Variants in DLEC1 observed in about 807,000 individuals in gnomAD.
The protein encoded by DLEC1 is deleted in lung and esophageal cancer protein 1.
Under a neutral mutation model 198.1 loss-of-function variants are expected in DLEC1, and 146 were observed. The observed-to-expected ratio is 0.74, with a 90% CI of 0.64 to 0.85. The LOEUF is 0.85. Among genes scored for constraint, DLEC1 ranks in the 40% least tolerant of loss-of-function variants. DLEC1 has a pLI of 0.00. For synonymous variants in DLEC1, 897 were observed against 866.8 expected, an observed-to-expected ratio of 1.03 and a Z score of -0.61; for missense variants, 2,233 against 2,220.0, an observed-to-expected ratio of 1.01 and a Z score of -0.12.
chr3:38,084,461 AATAGTAGTGGTGGTG>A (rs1698285199), intron 7 of DLEC1, among the ~76,000 whole-genome samples: 1 of 406 alleles, frequency 2.5e-3, no homozygotes, highest in African/African-American at 0.014. Flanking sequence ...TGGTAGTAGT[AATAGTAGTGGTGGTG>A]GTGGTAGTAG....
intron 1 of DLEC1, among the ~76,000 whole-genome samples, chr3:38,040,049 G>A (rs1700581939): frequency 6.6e-6 from 1 of 152,162 alleles, no homozygotes; most frequent in South Asian, 2.1e-4. Flanking sequence ...TAGGAAGCGT[G>A]TCTAGCCTCT....
chr3:38,039,409 C>G lies in DLEC1; in HGVS notation c.184C>G (p.Arg62Gly). 6.2e-7 allele frequency: 1 copy of G among 1,613,924 alleles called. No homozygotes were observed. The highest frequency in any genetic ancestry group is 8.5e-7 in the Non-Finnish European group (1 of 1,179,866). The change falls in exon 1 of 37, where the codon CGG (arginine) becomes GGG (glycine). Residue 62 changes from arginine to glycine, a missense_variant. By Grantham distance (125) the Arg-to-Gly change is moderately radical. Coordinates refer to ENST00000308059, the MANE Select transcript of DLEC1 (RefSeq NM_007335.4). The stretch of plus-strand genomic sequence containing the variant: ...GGCCTTCCACTACAGCTTCGCAGCC[C>G]GGCCCCGCCGCCTCACGCAGCTTGC... ...SEAFHYSFAARPRRLTQLALA... is the reference protein window; with the variant it reads ...SEAFHYSFAAGPRRLTQLALA...
intron 2 of DLEC1, among the ~76,000 whole-genome samples, chr3:38,058,092 G>C (rs1020621206): frequency 6.6e-6 from 1 of 152,098 alleles, no homozygotes; most frequent in Non-Finnish European, 1.5e-5. Flanking sequence ...ATGAGCCACC[G>C]TGCCCGGCCC....
At chr3:38,116,423 TCCTCAC>T (rs2125741382) in intron 27 of DLEC1, 24 bp from the exon 28 acceptor site, 1 of 1,613,096 alleles carries the variant, frequency 6.2e-7, no homozygotes, top group Non-Finnish European at 8.5e-7. Flanking sequence ...CCTCCCTTAT[TCCTCAC>T]CCTGCTCCAC....
chr3:38,085,574 C>T, intron 8 of DLEC1, 127 bp downstream of exon 8: 1 of 1,128,554 alleles, frequency 8.9e-7, no homozygotes, highest in Non-Finnish European at 1.3e-6. Flanking sequence ...GGCCGTGGGT[C>T]CTGCAGAGGA....
At chr3:38,108,562 C>T in intron 21 of DLEC1, 47 bp downstream of exon 21, 1 of 1,462,468 alleles carries the variant, frequency 6.8e-7, no homozygotes, top group Non-Finnish European at 9.5e-7. Context: ...GGCACCCTGC[C>T]AACCATACGC....
chr3:38,085,194 T>A, intron 7 of DLEC1, 80 bp from the exon 8 acceptor site: 6 of 1,509,966 alleles, frequency 4.0e-6, no homozygotes, highest in Non-Finnish European at 4.6e-6. Context: ...CTGGCAGGGC[T>A]GGGGTCTGTA....
At position 38,039,402 on chromosome 3, in the gene DLEC1, C is replaced by T. The variant is rs751255103; in HGVS notation, c.177C>T (p.Phe59=). Residue 59 remains phenylalanine, a synonymous_variant, in exon 1 of 37, where the codon TTC becomes TTT. Coordinates refer to ENST00000308059, the MANE Select transcript of DLEC1 (RefSeq NM_007335.4). ...ACTCTGAGGCCTTCCACTACAGCTT[C>T]GCAGCCCGGCCCCGCCGCCTCACGC... ...LAYSEAFHYS[F]AARPRRLTQL... The T allele has an allele frequency of 2.5e-5, 40 of 1,614,056 alleles. No individual in the cohort carries two copies. Among genetic ancestry groups the T allele is most frequent in the Non-Finnish European group, 3.3e-5 (39 of 1,179,910 alleles).
intron 33 of DLEC1, among the ~76,000 whole-genome samples, chr3:38,118,962 CG>C (rs1700320772): frequency 6.6e-6 from 1 of 152,180 alleles, no homozygotes; most frequent in Admixed American, 6.5e-5. Flanking sequence ...GGGACACACA[CG>C]GATCTGCAGA....
chr3:38,062,025 G>A (rs1186060259), intron 3 of DLEC1, 144 bp from the exon 4 acceptor site: 2 of 773,054 alleles, frequency 2.6e-6, no homozygotes, highest in African/African-American at 1.7e-5. Context: ...ATGTTGAAGA[G>A]CAATTATAGC....
intron 6 of DLEC1, among the ~76,000 whole-genome samples, chr3:38,081,600 G>T (rs1698001442): frequency 9.4e-6 from 1 of 106,016 alleles, no homozygotes; most frequent in African/African-American, 4.3e-5. Flanking sequence ...GGACGGGGCG[G>T]CTGGCCGGGC....
At chr3:38,073,583 G>A (rs985858927) in intron 6 of DLEC1, among the ~76,000 whole-genome samples, 3 of 151,998 alleles carry the variant, frequency 2.0e-5, no homozygotes, top group Non-Finnish European at 4.4e-5. Context: ...AATGAGATGC[G>A]GCTATAGTAG....
chr3:38,110,883 GAC>G (rs893001701), intron 23 of DLEC1, among the ~76,000 whole-genome samples: 5 of 151,772 alleles, frequency 3.3e-5, no homozygotes, highest in South Asian at 2.1e-4. Flanking sequence ...CACATGCATA[GAC>G]ACAAATATAC....
At chr3:38,094,743 T>G (rs1575189618) in intron 12 of DLEC1, 136 bp from the exon 13 acceptor site, 1 of 958,642 alleles carries the variant, frequency 1.0e-6, no homozygotes, top group Non-Finnish European at 1.5e-6. Context: ...ATTGGAAGGG[T>G]GTGAAGGCTG....
chr3:38,083,976 A>G (rs1319404681), intron 6 of DLEC1, among the ~76,000 whole-genome samples, 182 bp from the exon 7 acceptor site: 3 of 152,160 alleles, frequency 2.0e-5, no homozygotes, highest in Admixed American at 6.5e-5. Context: ...AAACAAAAGT[A>G]CATAGGATGG....
chr3:38,042,055 C>T (rs1380414092), intron 1 of DLEC1, among the ~76,000 whole-genome samples: 4 of 151,970 alleles, frequency 2.6e-5, no homozygotes, highest in South Asian at 2.1e-4. Context: ...TGCAGTGCCA[C>T]GATCTTGGCT....
At position 38,062,242 on chromosome 3, in the gene DLEC1, CAAGAAGCTTGAAGATTCATGCAGG is replaced by C; in HGVS notation, c.758_781del (p.Glu253_Leu260del). On this transcript the variant is annotated inframe_deletion, in exon 4 of 37. Coordinates refer to ENST00000308059, the MANE Select transcript of DLEC1 (RefSeq NM_007335.4). ...GTTCCGTCCAGAAGAAAGAGCTGAA[CAAGAAGCTTGAAGATTCATGCAGG>C]AAGAAGCTTGCTGAGTTCGAAGATG... 6.2e-7 allele frequency: 1 copy of C among 1,614,214 alleles called. No homozygotes were observed. Among genetic ancestry groups the C allele is most frequent in the Non-Finnish European group, 8.5e-7 (1 of 1,180,046 alleles).
chr3:38,086,502 C>G lies in DLEC1; in HGVS notation c.1572+125C>G, dbSNP rs1469897644. The G allele has an allele frequency of 3.8e-6, 5 of 1,305,220 alleles. No individual in the cohort carries two copies. The East Asian group carries it at 1.2e-4, about 32-fold the overall frequency. The allele number at this position is 1,305,220 out of a possible 1,614,324, so 80.9% of individuals were successfully genotyped here. ...CAGAACGCAGAGTGTTGTAAACTCTCTATGCAACTGCCACAACCCGAATGA... is the reference window on the plus strand; with the variant it reads ...CAGAACGCAGAGTGTTGTAAACTCTGTATGCAACTGCCACAACCCGAATGA... On this transcript the variant is annotated intron_variant, in intron 9 of 36. Coordinates refer to ENST00000308059, the MANE Select transcript of DLEC1 (RefSeq NM_007335.4).
chr3:38,112,144 C>A lies in DLEC1; in HGVS notation c.3515-66C>A, dbSNP rs879369422. On this transcript the variant is annotated intron_variant, in intron 24 of 36. Coordinates refer to ENST00000308059, the MANE Select transcript of DLEC1 (RefSeq NM_007335.4). This position sits in a 1 kb window ranked among gnomAD's most constrained non-coding sequence, Gnocchi z 4.8. Reference sequence around the variant, plus strand: ...TCGGGGACAGTGCTTTGCTCACACACGAGGGTTTGGACCTCACTCCCAACC... The same window carrying A: ...TCGGGGACAGTGCTTTGCTCACACAAGAGGGTTTGGACCTCACTCCCAACC... The A allele has an allele frequency of 1.2e-6, 2 of 1,602,916 alleles. No homozygotes were observed. The highest frequency in any genetic ancestry group is 1.3e-5 in the African/African-American group (1 of 74,772).
Sources: allele counts gnomAD v4.1 joint callset (sites outside exome capture counted in the v4.1 genomes callset), GRCh38; gene constraint gnomAD v4.1.1; non-coding constraint Gnocchi (gnomAD v3.1); transcripts MANE v1.5; gene names NCBI Gene and HGNC (gene_info 2026-07-23, HGNC 2026-07-21).